CDK17: variants seen among roughly 807,000 people sequenced by gnomAD.
CDK17 encodes the protein cyclin dependent kinase 17, also known as cyclin-dependent kinase 17.
CDK17 carries 24 observed loss-of-function variants against 77.6 expected under a neutral mutation model. The observed-to-expected ratio is 0.31, with a 90% CI of 0.22 to 0.44. The LOEUF (loss-of-function observed/expected upper bound fraction) is 0.44, where lower values mean the gene tolerates loss of function less well. Ranked by LOEUF, CDK17 falls within the 20% of genes least tolerant of loss-of-function variation. The probability of loss-of-function intolerance (pLI) is 1.00; values close to 1 mark genes in which losing one functional copy is unlikely to be tolerated. For missense variants in CDK17, 429 were observed against 622.5 expected, an observed-to-expected ratio of 0.69 and a Z score of 3.31; for synonymous variants, 203 against 210.4, an observed-to-expected ratio of 0.96 and a Z score of 0.30.
At chr12:96,346,918 A>G (rs1953221850) in intron 1 of CDK17, among the ~76,000 whole-genome samples, 1 of 152,104 alleles carries the variant, frequency 6.6e-6, no homozygotes, top group Non-Finnish European at 1.5e-5. Flanking sequence ...TGTCTCAAAA[A>G]AAAAAAAGAG....
At chr12:96,293,091 T>G (rs761502909) in intron 10 of CDK17, among the ~76,000 whole-genome samples, 1 of 152,260 alleles carries the variant, frequency 6.6e-6, no homozygotes, top group Non-Finnish European at 1.5e-5. Flanking sequence ...ATTTTCTCTT[T>G]AAAAACACCA....
At chr12:96,282,651 A>G (rs757430629) in intron 14 of CDK17, 52 bp from the exon 15 acceptor site, 41 of 1,194,366 alleles carry the variant, frequency 3.4e-5, no homozygotes, top group Non-Finnish European at 4.6e-5. Context: ...ATTACTGCAA[A>G]AAGTAGGAGA....
At chr12:96,354,447 T>C (rs984263533) in intron 1 of CDK17, among the ~76,000 whole-genome samples, 6 of 152,228 alleles carry the variant, frequency 3.9e-5, no homozygotes, top group African/African-American at 1.4e-4. Flanking sequence ...TAGTCTAACA[T>C]TTGCTCTGTC....
intron 7 of CDK17, among the ~76,000 whole-genome samples, chr12:96,298,551 T>C (rs1160340433): frequency 6.6e-6 from 1 of 152,160 alleles, no homozygotes; most frequent in African/African-American, 2.4e-5. Context: ...TATAAATATG[T>C]TTACACACTG....
rs369822114 is a variant in CDK17 at position 96,289,194 on chromosome 12, G to A, written c.1091C>T (p.Ser364Leu). 59 of 1,613,706 alleles carry A rather than the reference G, an allele frequency of 3.7e-5. 1 individual carries two copies. The highest frequency in any genetic ancestry group is 1.6e-4 in the East Asian group (7 of 44,892). ...YRPPDVLLGS[S>L]EYSTQIDMWG... The stretch of plus-strand genomic sequence containing the variant: ...CATGTCAATCTGTGTTGAGTACTCC[G>A]AGGAACCAAGAAGCACATCAGGTGG... The change falls in exon 11 of 17, where the codon TCG (serine) becomes TTG (leucine). Residue 364 changes from serine (S) to leucine (L), a missense_variant. Ser to Leu is a moderately radical substitution (Grantham distance 145). Coordinates refer to ENST00000261211, the MANE Select transcript of CDK17 (RefSeq NM_002595.5).
chr12:96,313,757 T>C (rs757781935), intron 3 of CDK17, among the ~76,000 whole-genome samples: 7 of 152,210 alleles, frequency 4.6e-5, no homozygotes, highest in Non-Finnish European at 8.8e-5. Context: ...AGTTCTTTCA[T>C]TTTCTAGATC....
At chr12:96,304,254 C>T (rs567160896) in intron 5 of CDK17, among the ~76,000 whole-genome samples, 8 of 152,080 alleles carry the variant, frequency 5.3e-5, no homozygotes, top group Admixed American at 2.0e-4. Context: ...ACATAAGAAA[C>T]GGGGCCGGGC....
At chr12:96,309,288 C>T (rs1001374085) in intron 5 of CDK17, among the ~76,000 whole-genome samples, 4 of 148,850 alleles carry the variant, frequency 2.7e-5, no homozygotes, top group Non-Finnish European at 3.0e-5. Flanking sequence ...ATTCATAGGC[C>T]GTTTTTGACT....
chr12:96,353,910 G>C (rs1953354354), intron 1 of CDK17, among the ~76,000 whole-genome samples: 1 of 152,010 alleles, frequency 6.6e-6, no homozygotes, highest in African/African-American at 2.4e-5. Context: ...CTAGAACTCA[G>C]AAAAAAAGTC....
intron 7 of CDK17, among the ~76,000 whole-genome samples, chr12:96,298,112 T>A (rs1294947020): frequency 6.6e-6 from 1 of 152,018 alleles, no homozygotes. Flanking sequence ...TGAAACCCCG[T>A]CTCTACTAAA....
At chr12:96,373,500 AG>A (rs932589675) in intron 1 of CDK17, among the ~76,000 whole-genome samples, 1 of 152,178 alleles carries the variant, frequency 6.6e-6, no homozygotes, top group Non-Finnish European at 1.5e-5. Flanking sequence ...AGGCTGAGGC[AG>A]GGGAATCACT....
intron 1 of CDK17, among the ~76,000 whole-genome samples, chr12:96,371,524 G>A (rs1349493306): frequency 6.6e-6 from 1 of 152,174 alleles, no homozygotes; most frequent in Admixed American, 6.6e-5. Flanking sequence ...AGGGCACAGT[G>A]GCTCAAGCCT....
At chr12:96,328,825 T>C (rs866336129) in intron 2 of CDK17, among the ~76,000 whole-genome samples, 2 of 152,080 alleles carry the variant, frequency 1.3e-5, no homozygotes, top group Middle Eastern at 3.2e-3. Context: ...TATATGGTAG[T>C]TGAAATTGTA....
intron 5 of CDK17, among the ~76,000 whole-genome samples, chr12:96,304,530 T>C (rs1027837355): frequency 8.8e-6 from 1 of 113,728 alleles, no homozygotes; most frequent in African/African-American, 3.9e-5. Context: ...AGCAAGACTC[T>C]GTCTCAAAAA....
chr12:96,400,389 C>G lies in CDK17; in HGVS notation c.-433G>C. 3 of 384,534 alleles carry G rather than the reference C, an allele frequency of 7.8e-6. No homozygotes were observed. The highest frequency in any genetic ancestry group is 1.4e-5 in the Non-Finnish European group (3 of 217,378). The allele number at this position is 384,534 out of a possible 1,614,324, so 23.8% of individuals were successfully genotyped here. On this transcript the variant is annotated 5_prime_UTR_variant, in exon 1 of 17. Coordinates refer to ENST00000261211, the MANE Select transcript of CDK17 (RefSeq NM_002595.5). ...GGGAGCTCAGGAGACTGCGGGCGGC[C>G]GCGTTCGCTCCTTGCGTGTGCGTCG... is the stretch of plus-strand genomic sequence containing the variant.
chr12:96,382,968 A>C (rs372155951), intron 1 of CDK17, among the ~76,000 whole-genome samples: 6 of 152,006 alleles, frequency 3.9e-5, no homozygotes, highest in Non-Finnish European at 8.8e-5. Context: ...TAGAGAAAGA[A>C]GACATCAAAT....
In CDK17 at chr12:96,350,669, T is replaced by C. The variant is rs114504097; in HGVS notation, c.-29-15804A>G. 4.9e-3 allele frequency among the ~76,000 whole-genome samples: 753 copies of C among 152,290 alleles called. 5 individuals are homozygous for C. The highest frequency in any genetic ancestry group is 0.017 in the African/African-American group (726 of 41,566). ...GTGCTGGGAAAACTGGATGTTTTCATGCAAAAGAGTGAAACTGGACCATTA... is the reference window on the plus strand; with the variant it reads ...GTGCTGGGAAAACTGGATGTTTTCACGCAAAAGAGTGAAACTGGACCATTA... On this transcript the variant is annotated intron_variant, in intron 1 of 16. Coordinates refer to ENST00000261211, the MANE Select transcript of CDK17 (RefSeq NM_002595.5).
intron 1 of CDK17, among the ~76,000 whole-genome samples, chr12:96,336,731 A>G (rs1443576251): frequency 6.6e-6 from 1 of 152,222 alleles, no homozygotes; most frequent in Non-Finnish European, 1.5e-5. Context: ...TCTAATCTGC[A>G]GTTAAACCCA....
At chr12:96,377,928 C>T (rs1021588348) in intron 1 of CDK17, among the ~76,000 whole-genome samples, 6 of 152,094 alleles carry the variant, frequency 3.9e-5, no homozygotes, top group East Asian at 1.9e-4. Context: ...CTCCTGACCT[C>T]GTGATCCGCC....
Sources: gnomAD v4.1 joint callset for allele counts (sites outside exome capture counted in the v4.1 genomes callset) on GRCh38, gnomAD v4.1.1 for gene constraint, MANE v1.5 for transcripts, NCBI Gene and HGNC (gene_info 2026-07-23, HGNC 2026-07-21) for gene names.